Variants in WDFY1 observed in about 807,000 individuals in gnomAD.
WDFY1 encodes the protein WD repeat and FYVE domain-containing protein 1.
In WDFY1, 32 loss-of-function variants were observed where a neutral mutation model predicts 56.4. That is an observed-to-expected ratio of 0.57 (90% CI 0.43 to 0.76). The LOEUF (loss-of-function observed/expected upper bound fraction) is 0.76. Ranked by LOEUF, WDFY1 falls within the 30% of genes least tolerant of loss-of-function variation. The pLI, the probability that WDFY1 is intolerant of heterozygous loss-of-function variation, is 0.00. For synonymous variants in WDFY1, 192 were observed against 197.3 expected (o/e 0.97, Z 0.23); for missense variants, 480 against 545.7 (o/e 0.88, Z 1.20).
intron 8 of WDFY1, among the ~76,000 whole-genome samples, chr2:223,891,896 A>AT: frequency 6.6e-6 from 1 of 152,348 alleles, no homozygotes; most frequent in Middle Eastern, 3.4e-3. Context: ...CTTGCTGCAT[A>AT]TAACTAGTAG....
At position 223,902,907 on chromosome 2, in the gene WDFY1, G is replaced by A. The variant is rs550128930; in HGVS notation, c.335-1574C>T. ...TAAACTCGGGCCAAACAGTCATAGG[G>A]TTTAAACTAGTTTGTGGTAAAGATG... On this transcript the variant is annotated intron_variant, in intron 4 of 11. Transcript: ENST00000233055. Among the ~76,000 whole-genome samples the A allele has an allele frequency of 5.9e-5, 9 of 152,130 alleles. No individual in the cohort carries two copies. The South Asian group carries it at 1.7e-3, about 28-fold the overall frequency.
At chr2:223,913,207 C>A (rs1336699802) in intron 2 of WDFY1, among the ~76,000 whole-genome samples, 1 of 127,422 alleles carries the variant, frequency 7.8e-6, no homozygotes. Flanking sequence ...AGTGAAACTC[C>A]ATCTCAAAAA....
chr2:223,880,034 C>A, intron 11 of WDFY1, 90 bp downstream of exon 11: 1 of 1,126,904 alleles, frequency 8.9e-7, no homozygotes, highest in South Asian at 1.3e-5. Flanking sequence ...TAAAGCTTGC[C>A]AGTCAGAAAG....
intron 11 of WDFY1, 144 bp from the exon 12 acceptor site, chr2:223,878,874 C>T (rs602675): frequency 0.94 from 971,255 of 1,033,926 alleles, 457,809 homozygotes; most frequent in South Asian, 0.97. Context: ...CATAACACCT[C>T]CTTAAGATTT....
intron 1 of WDFY1, among the ~76,000 whole-genome samples, chr2:223,944,582 G>T (rs956919869): frequency 6.6e-6 from 1 of 151,694 alleles, no homozygotes; most frequent in Admixed American, 6.6e-5. Context: ...TGGAACCGGG[G>T]TCCCGGGCTT....
chr2:223,893,227 A>T (rs1352813368), intron 8 of WDFY1, among the ~76,000 whole-genome samples: 2 of 152,132 alleles, frequency 1.3e-5, no homozygotes, highest in Admixed American at 6.6e-5. Context: ...CAAAATATTT[A>T]AAAAAGAGAA....
intron 10 of WDFY1, among the ~76,000 whole-genome samples, chr2:223,880,687 AAACT>A (rs1253801711): frequency 6.6e-6 from 1 of 152,156 alleles, no homozygotes; most frequent in Admixed American, 6.6e-5. Context: ...ATGGTTTTGA[AAACT>A]AACCTTATAA....
intron 1 of WDFY1, among the ~76,000 whole-genome samples, chr2:223,939,529 C>T (rs1385986214): frequency 6.6e-6 from 1 of 152,194 alleles, no homozygotes; most frequent in Non-Finnish European, 1.5e-5. Context: ...AATGGACTCA[C>T]AGTTCCATGT....
chr2:223,907,486 TG>T lies in WDFY1; in HGVS notation c.280-1486del, dbSNP rs139100815. Among the ~76,000 whole-genome samples the T allele has an allele frequency of 3.9e-4, 60 of 152,324 alleles. No homozygotes were observed. In the East Asian group the frequency reaches 0.011, roughly 27 times the overall value. ...GATCAATTGCTAACTAATGCTAAAT[TG>T]GATTTGCATTGCCCCTTTCCATTGA... On this transcript the variant is annotated intron_variant, in intron 3 of 11. Coordinates refer to ENST00000233055, the MANE Select transcript of WDFY1 (RefSeq NM_020830.5).
intron 3 of WDFY1, among the ~76,000 whole-genome samples, chr2:223,910,169 T>A (rs1163379936): frequency 3.3e-5 from 5 of 152,166 alleles, no homozygotes; most frequent in Non-Finnish European, 7.3e-5. Context: ...AAATAGTCTT[T>A]TAAACAATTG....
chr2:223,891,245 T>G (rs781267460), intron 8 of WDFY1, among the ~76,000 whole-genome samples: 5 of 151,614 alleles, frequency 3.3e-5, no homozygotes, highest in Non-Finnish European at 7.4e-5. Context: ...GGTACAGGTA[T>G]GGTGGCATAA....
Position 223,876,836 on chromosome 2 carries a change from T to A in WDFY1, c.*1835A>T, listed in dbSNP as rs1470091667. Reference sequence around the variant, plus strand: ...ATTCTATTTTCCTTTCAGGAATTCATAAAATCCCTAGGATAGCACCTTTGT... The same window carrying A: ...ATTCTATTTTCCTTTCAGGAATTCAAAAAATCCCTAGGATAGCACCTTTGT... On this transcript the variant is annotated 3_prime_UTR_variant, in exon 12 of 12. Coordinates refer to ENST00000233055, the MANE Select transcript of WDFY1 (RefSeq NM_020830.5). 2.0e-5 allele frequency: 3 copies of A among 152,192 alleles called. No homozygotes were observed. Among genetic ancestry groups the A allele is most frequent in the Admixed American group, 2.0e-4 (3 of 15,262 alleles). The allele number at this position is 152,192 out of a possible 1,614,324, so 9.4% of individuals were successfully genotyped here.
intron 5 of WDFY1, 69 bp downstream of exon 5, chr2:223,901,114 T>C (rs1259983518): frequency 2.7e-6 from 4 of 1,494,458 alleles, no homozygotes; most frequent in African/African-American, 2.8e-5. Flanking sequence ...CCATTTGGGA[T>C]GAGATTCAGA....
At chr2:223,933,346 AT>A (rs35417214) in intron 1 of WDFY1, among the ~76,000 whole-genome samples, 3,220 of 147,052 alleles carry the variant, frequency 0.022, 79 homozygotes, top group Middle Eastern at 0.07. Context: ...AAACCTGCAG[AT>A]TTTTTTTTTT....
intron 3 of WDFY1, among the ~76,000 whole-genome samples, chr2:223,909,350 C>G (rs545324825): frequency 6.6e-6 from 1 of 152,236 alleles, no homozygotes; most frequent in African/African-American, 2.4e-5. Context: ...TCCCCTCCTC[C>G]CTGGCTGGCC....
intron 6 of WDFY1, among the ~76,000 whole-genome samples, chr2:223,897,176 A>G (rs1046854359): frequency 8.6e-5 from 13 of 151,888 alleles, no homozygotes; most frequent in Non-Finnish European, 1.5e-4. Flanking sequence ...ATGGTCATAA[A>G]TAAGTCCATC....
At chr2:223,917,604 C>T (rs145716019) in intron 2 of WDFY1, among the ~76,000 whole-genome samples, 1,840 of 152,024 alleles carry the variant, frequency 0.012, 29 homozygotes, top group Non-Finnish European at 0.015. Context: ...GATGGAGTCT[C>T]GCTCTGTCGC....
At chr2:223,899,733 T>C (rs887282693) in intron 5 of WDFY1, among the ~76,000 whole-genome samples, 2 of 151,052 alleles carry the variant, frequency 1.3e-5, no homozygotes, top group Admixed American at 1.3e-4. Context: ...TGGGTGACAG[T>C]GCAAGACTCT....
chr2:223,909,784 T>C (rs892762575), intron 3 of WDFY1, among the ~76,000 whole-genome samples: 1 of 152,178 alleles, frequency 6.6e-6, no homozygotes, highest in Non-Finnish European at 1.5e-5. Flanking sequence ...TCCTTCTTCA[T>C]GGCCACTGTC....
Sources: gnomAD v4.1 joint callset for allele counts (sites outside exome capture counted in the v4.1 genomes callset) on GRCh38, gnomAD v4.1.1 for gene constraint, MANE v1.5 for transcripts, NCBI Gene and HGNC (gene_info 2026-07-23, HGNC 2026-07-21) for gene names.